Variants in ZNF534 observed in about 807,000 individuals in gnomAD.
ZNF534 encodes KRAB domain only 3.
A neutral mutation model predicts 13.6 loss-of-function variants in ZNF534; 19 were observed. The observed-to-expected ratio is 1.40, with a 90% CI of 0.97 to 2.05. The LOEUF (loss-of-function observed/expected upper bound fraction) is 2.05, where lower values mean the gene tolerates loss of function less well. Ranked by LOEUF, ZNF534 falls within the 30% of genes most tolerant of loss-of-function variation. The probability of loss-of-function intolerance (pLI) is 0.00; values close to 1 mark genes in which losing one functional copy is unlikely to be tolerated. For synonymous variants in ZNF534, 244 were observed against 273.8 expected, an observed-to-expected ratio of 0.89 and a Z score of 1.07; for missense variants, 782 against 796.3, an observed-to-expected ratio of 0.98 and a Z score of 0.22.
chr19:52,446,476 A>T (rs1319675341), downstream of ZNF534, among the ~76,000 whole-genome samples: 3 of 152,180 alleles, frequency 2.0e-5, no homozygotes, highest in East Asian at 5.8e-4. Context: ...GATTTTTTAT[A>T]CTTTTTGGGC....
At chr19:52,449,354 T>TTA (rs1555749807) in intron 4 of ZNF534, among the ~76,000 whole-genome samples, 1 of 146,514 alleles carries the variant, frequency 6.8e-6, no homozygotes, top group African/African-American at 2.5e-5. Context: ...TCCATCCTCA[T>TTA]TCTCTCTCTC....
chr19:52,430,579 C>T (rs1312981860), intron 1 of ZNF534, among the ~76,000 whole-genome samples: 2 of 150,108 alleles, frequency 1.3e-5, no homozygotes, highest in Non-Finnish European at 2.9e-5. Context: ...GAGATAGAGT[C>T]GCACTCTGTC....
At chr19:52,431,318 G>A (rs1462581969) in intron 1 of ZNF534, 90 bp from the exon 2 acceptor site, 38 of 956,104 alleles carry the variant, frequency 4.0e-5, no homozygotes, top group Non-Finnish European at 5.7e-5. Flanking sequence ...CATCCTTCCA[G>A]AAGGTGAAGT....
rs888409659 is a variant in ZNF534, at chr19:52,441,962, C to A, written c.*2516C>A. ...CATGAGTTTTAGCATTAATGAACAT[C>A]AGAGGTTCCATACTAAGGAGAAATC... On this transcript the variant is annotated 3_prime_UTR_variant, in exon 5 of 5. Transcript: ENST00000433050. 1.3e-5 allele frequency among the ~76,000 whole-genome samples: 2 copies of A among 152,296 alleles called. No individual in the cohort carries two copies. The highest frequency in any genetic ancestry group is 1.3e-4 in the Admixed American group (2 of 15,300).
At position 52,436,072 on chromosome 19, in the gene ZNF534, G is replaced by C. The variant is rs536310036; in HGVS notation, c.271+863G>C. Among the ~76,000 whole-genome samples the C allele has an allele frequency of 1.9e-4, 29 of 151,746 alleles. No individual in the cohort carries two copies. The South Asian group carries it at 5.4e-3, about 28-fold the overall frequency. ...CTGCTTCAACCTCCCAAGTAGCTGG[G>C]ACTACAGGCTCCCGCCACCATGCCT... is the stretch of plus-strand genomic sequence containing the variant. On this transcript the variant is annotated intron_variant, in intron 4 of 4. Transcript: ENST00000433050.
rs532243814 is a variant in ZNF534 at position 52,441,643 on chromosome 19, G to A, written c.*2197G>A. Among the ~76,000 whole-genome samples, 16 of 152,304 alleles carry A rather than the reference G, an allele frequency of 1.1e-4. No individual in the cohort carries two copies. In the South Asian group the frequency reaches 3.3e-3, roughly 32 times the overall value. ...GACAAAGCATTTAGATAATGTTCAG[G>A]CTTTACTGCCCATCTTGTAATCCAT... On this transcript the variant is annotated 3_prime_UTR_variant, in exon 5 of 5. Transcript: ENST00000433050.
In ZNF534 at chr19:52,439,098, A is replaced by C; in HGVS notation, c.1638A>C (p.Gly546=). ...HLVRHRNVHT[G]EKPYSCNECG... ...TGCGACATAGGAATGTTCATACTGG[A>C]GAAAAGCCTTACAGTTGTAATGAAT... Residue 546 remains glycine, a synonymous_variant, in exon 5 of 5, where the codon GGA becomes GGC. Coordinates refer to ENST00000433050, the MANE Select transcript of ZNF534 (RefSeq NM_001143938.3). 1.9e-6 allele frequency: 3 copies of C among 1,594,998 alleles called. No individual in the cohort carries two copies. Among genetic ancestry groups the C allele is most frequent in the Non-Finnish European group, 2.6e-6 (3 of 1,170,156 alleles).
chr19:52,437,227 G>A (rs1876843071), intron 4 of ZNF534, among the ~76,000 whole-genome samples: 2 of 152,094 alleles, frequency 1.3e-5, no homozygotes, highest in African/African-American at 4.8e-5. Flanking sequence ...TCTCTCTCAA[G>A]CTTTCCCTTA....
intron 4 of ZNF534, 75 bp from the exon 5 acceptor site, chr19:52,437,657 C>G: frequency 7.3e-7 from 1 of 1,364,478 alleles, no homozygotes; most frequent in Non-Finnish European, 9.8e-7. Flanking sequence ...TGAAGTGATG[C>G]AGAATCTTGT....
chr19:52,436,730 C>G (rs948749943), intron 4 of ZNF534, among the ~76,000 whole-genome samples: 3 of 152,136 alleles, frequency 2.0e-5, no homozygotes, highest in Non-Finnish European at 4.4e-5. Context: ...TGCTGTTAAA[C>G]CCCCTAATGG....
At chr19:52,433,135 C>A (rs568389813) in intron 2 of ZNF534, among the ~76,000 whole-genome samples, 1 of 145,614 alleles carries the variant, frequency 6.9e-6, no homozygotes, top group African/African-American at 2.5e-5. Flanking sequence ...CCCAGCTACT[C>A]GGGAGGCTTA....
At chr19:52,429,364 A>T (rs2059071217) in intron 1 of ZNF534, 120 bp downstream of exon 1, 1 of 152,214 alleles carries the variant, frequency 6.6e-6, no homozygotes, top group African/African-American at 2.4e-5. Flanking sequence ...CACTCCAAGT[A>T]AATTCAGACA....
At chr19:52,444,787 C>T (rs1386336014), downstream of ZNF534, among the ~76,000 whole-genome samples, 7 of 152,060 alleles carry the variant, frequency 4.6e-5, 1 homozygote, top group Admixed American at 3.3e-4. Context: ...GAGGGAAAGC[C>T]GGTAGTCATA....
In ZNF534 at chr19:52,441,103, A is replaced by G. The variant is rs573434328; in HGVS notation, c.*1657A>G. 3.3e-5 allele frequency among the ~76,000 whole-genome samples: 5 copies of G among 152,198 alleles called. No individual in the cohort carries two copies. The highest frequency in any genetic ancestry group is 4.1e-4 in the South Asian group (2 of 4,824). On this transcript the variant is annotated 3_prime_UTR_variant, in exon 5 of 5. Transcript: ENST00000433050. The stretch of plus-strand genomic sequence containing the variant: ...GTATTTTTAGTAGAGACGGGGTTTC[A>G]CCATGTTAGCCAGGCTGGTCTCGAT...
In ZNF534 at chr19:52,439,465, A is replaced by G; in HGVS notation, c.*19A>G. 1 of 1,498,392 alleles carries G rather than the reference A, an allele frequency of 6.7e-7. No homozygotes were observed. 92.8% of individuals were successfully genotyped at this position (1,498,392 alleles called of 1,614,324 possible). A position where few individuals can be genotyped will look rare whatever the true frequency, so the allele number is the denominator to read the frequency against. Reference sequence around the variant, plus strand: ...GCCTTAAAAATTTAGTGAAGCTGGCAGGGCGCAGTGGCTCACGTCTGTAAT... The same window carrying G: ...GCCTTAAAAATTTAGTGAAGCTGGCGGGGCGCAGTGGCTCACGTCTGTAAT... On this transcript the variant is annotated 3_prime_UTR_variant, in exon 5 of 5. Transcript: ENST00000433050.
chr19:52,437,313 T>G (rs1232737914), intron 4 of ZNF534, among the ~76,000 whole-genome samples: 1 of 152,098 alleles, frequency 6.6e-6, no homozygotes, highest in African/African-American at 2.4e-5. Context: ...ATTACCAACA[T>G]GTTATACAAA....
intron 4 of ZNF534, among the ~76,000 whole-genome samples, chr19:52,436,702 T>C (rs534042589): frequency 1.4e-4 from 22 of 152,312 alleles, no homozygotes; most frequent in African/African-American, 5.0e-4. Context: ...CTCATTGTTT[T>C]CCTTTCCTTT....
intron 4 of ZNF534, chr19:52,451,120 G>A: frequency 1.7e-6 from 1 of 591,774 alleles, no homozygotes; most frequent in Non-Finnish European, 3.0e-6. Context: ...ATAAAGATGG[G>A]TAGCCTTTAC....
chr19:52,446,772 C>T (rs763527634), downstream of ZNF534, among the ~76,000 whole-genome samples: 1 of 152,088 alleles, frequency 6.6e-6, no homozygotes, highest in African/African-American at 2.4e-5. Context: ...GTGGGAGGAT[C>T]GCTTGAGCAA....
Sources: allele counts gnomAD v4.1 joint callset (sites outside exome capture counted in the v4.1 genomes callset), GRCh38; gene constraint gnomAD v4.1.1; transcripts MANE v1.5; gene names NCBI Gene and HGNC (gene_info 2026-07-23, HGNC 2026-07-21).